The following TTC16 variants were observed in gnomAD, a reference collection of about 807,000 sequenced individuals.
TTC16 encodes the protein tetratricopeptide repeat protein 16.
A neutral mutation model predicts 80.4 loss-of-function variants in TTC16; 66 were observed. The ratio of observed to expected loss-of-function variants is 0.82; its 90% confidence interval spans 0.67 to 1.01. The LOEUF (loss-of-function observed/expected upper bound fraction) is 1.01. TTC16 is among the 50% of genes least tolerant of loss of function. The pLI, the probability that TTC16 is intolerant of heterozygous loss-of-function variation, is 0.00. For missense variants in TTC16, 1,070 were observed against 1,103.2 expected (o/e 0.97, Z 0.43); for synonymous variants, 438 against 451.3 (o/e 0.97, Z 0.37).
In TTC16 at chr9:127,717,425, G is replaced by A; in HGVS notation, c.282+1G>A. The A allele has an allele frequency of 1.2e-6, 2 of 1,611,188 alleles. No homozygotes were observed. The highest frequency in any genetic ancestry group is 8.5e-7 in the Non-Finnish European group (1 of 1,178,158). On this transcript the variant is annotated splice_donor_variant, in intron 3 of 13. Transcript: ENST00000373289. LOFTEE classifies it high-confidence loss of function. ...CGCACTCCACCTGGACCCACAGCTG[G>A]TGAGAGGCAGACCTGGGTGGGCACA...
chr9:127,717,136 C>T, intron 2 of TTC16, 120 bp downstream of exon 2: 1 of 1,359,286 alleles, frequency 7.4e-7, no homozygotes, highest in Non-Finnish European at 1.0e-6. Context: ...TCTAATGGGG[C>T]TCTTCCACCT....
chr9:127,726,405 G>A lies in TTC16; in HGVS notation c.1425+1G>A, dbSNP rs1448780779. On this transcript the variant is annotated splice_donor_variant, in intron 10 of 13. Transcript: ENST00000373289. LOFTEE classifies it high-confidence loss of function. ...GCTCCTCAACCCCAAGCAACCAAAG[G>A]TAGGTTCCTGCCACGTCAGGAGTGT... 3.1e-6 allele frequency: 5 copies of A among 1,590,910 alleles called. No homozygotes were observed. Among genetic ancestry groups the A allele is most frequent in the African/African-American group, 1.3e-5 (1 of 74,412 alleles).
Position 127,731,243 on chromosome 9 carries a change from T to C in TTC16, c.2460T>C (p.Tyr820=), listed in dbSNP as rs145862413. The C allele has an allele frequency of 1.2e-5, 20 of 1,612,516 alleles. No homozygotes were observed. Among genetic ancestry groups the C allele is most frequent in the African/African-American group, 4.0e-5 (3 of 74,772 alleles). ...DSNWSLSKTE[Y]AQGQGQRSSK... is the part of the protein sequence containing the mutation. Reference sequence around the variant, plus strand: ...ACTGGAGCCTCAGCAAAACTGAGTATGCCCAAGGCCAGGGCCAGAGGTCCA... The same window carrying C: ...ACTGGAGCCTCAGCAAAACTGAGTACGCCCAAGGCCAGGGCCAGAGGTCCA... The change falls in exon 14 of 14, where the codon TAT becomes TAC. Residue 820 remains tyrosine (Y), a synonymous_variant. Transcript: ENST00000373289.
chr9:127,721,483 A>C (rs1267375801), intron 6 of TTC16, among the ~76,000 whole-genome samples: 1 of 82,420 alleles, frequency 1.2e-5, no homozygotes, highest in African/African-American at 4.7e-5. Context: ...CTGGGAAGCT[A>C]GGATGGGGAG....
rs749951537 is a variant in TTC16, at chr9:127,727,007, C to G, written c.1463C>G (p.Ser488Trp). The part of the protein sequence containing the change: ...LLMTNLFPGM[S>W]VEEVLSTQIA... ...ATGACCAACCTCTTCCCGGGCATGTCGGTGGAGGAGGTGCTTAGCACCCAG... is the reference window on the plus strand; with the variant it reads ...ATGACCAACCTCTTCCCGGGCATGTGGGTGGAGGAGGTGCTTAGCACCCAG... Residue 488 changes from serine to tryptophan, a missense_variant, in exon 11 of 14, where the codon TCG (serine) becomes TGG (tryptophan). Ser to Trp is a radical substitution (Grantham distance 177, BLOSUM62 -3). Transcript: ENST00000373289. 6.2e-7 allele frequency: 1 copy of G among 1,613,066 alleles called. No individual in the cohort carries two copies.
At chr9:127,730,439 TC>T in intron 13 of TTC16, 196 bp from the exon 14 acceptor site, 1 of 705,218 alleles carries the variant, frequency 1.4e-6, no homozygotes, top group Non-Finnish European at 2.3e-6. Flanking sequence ...CTCCTAGGCA[TC>T]TCCCCCATCT....
chr9:127,728,967 G>C (rs1844182400), intron 12 of TTC16: 3 of 152,344 alleles, frequency 2.0e-5, no homozygotes. Context: ...GCAACTCCCA[G>C]CTGGCACCTG....
Position 127,731,051 on chromosome 9 carries a change from G to A in TTC16, c.2268G>A (p.Arg756=). The change falls in exon 14 of 14, where the codon AGG becomes AGA. Residue 756 remains arginine, a synonymous_variant. Transcript: ENST00000373289. ...AGATTGAGGCCACCCAGGGCCCAAGGCAGGAGCCCAGCAAGACCAAGACCA... is the reference window on the plus strand; with the variant it reads ...AGATTGAGGCCACCCAGGGCCCAAGACAGGAGCCCAGCAAGACCAAGACCA... ...SSEIEATQGP[R]QEPSKTKTTR... is the part of the protein sequence containing the mutation. The A allele has an allele frequency of 6.2e-7, 1 of 1,612,696 alleles. No homozygotes were observed. The highest frequency in any genetic ancestry group is 1.1e-5 in the South Asian group (1 of 91,068).
intron 13 of TTC16, 170 bp from the exon 14 acceptor site, chr9:127,730,466 C>A: frequency 1.0e-6 from 1 of 961,286 alleles, no homozygotes; most frequent in Non-Finnish European, 1.5e-6. Flanking sequence ...CCCCACCCCT[C>A]AGGGTCTGGG....
rs907591908 is a variant in TTC16 at position 127,717,411 on chromosome 9, T to G, written c.269T>G (p.Leu90Arg). 28 of 1,613,028 alleles carry G rather than the reference T, an allele frequency of 1.7e-5. No homozygotes were observed. Among genetic ancestry groups the G allele is most frequent in the Non-Finnish European group, 2.3e-5 (27 of 1,179,702 alleles). Residue 90 changes from leucine (L) to arginine (R), a missense_variant, in exon 3 of 14, where the codon CTG becomes CGG. Coordinates refer to ENST00000373289, the MANE Select transcript of TTC16 (RefSeq NM_144965.3). ...AVLLFSRALH[L>R]DPQLVDFYAL... ...CTGCTCTTCTCCCGCGCACTCCACC[T>G]GGACCCACAGCTGGTGAGAGGCAGA...
chr9:127,726,389 C>T lies in TTC16; in HGVS notation c.1410C>T (p.Asn470=), dbSNP rs770690148. The T allele has an allele frequency of 6.9e-6, 11 of 1,602,984 alleles. No individual in the cohort carries two copies. Among genetic ancestry groups the T allele is most frequent in the Non-Finnish European group, 3.4e-6 (4 of 1,173,758 alleles). The change falls in exon 10 of 14, where the codon AAC becomes AAT. Residue 470 remains asparagine, a synonymous_variant. Coordinates refer to ENST00000373289, the MANE Select transcript of TTC16 (RefSeq NM_144965.3). ...RQDVATVLLL[N]PKQPKLSLLM... ...ATGTGGCCACTGTCCTGCTCCTCAA[C>T]CCCAAGCAACCAAAGGTAGGTTCCT...
At chr9:127,717,101 C>A in intron 2 of TTC16, 85 bp downstream of exon 2, 1 of 1,534,676 alleles carries the variant, frequency 6.5e-7, no homozygotes, top group Admixed American at 1.8e-5. Context: ...CACTTACTCT[C>A]TTCAGGCCTC....
chr9:127,716,604 T>C, intron 1 of TTC16: 1 of 583,190 alleles, frequency 1.7e-6, no homozygotes, highest in South Asian at 2.1e-5. Flanking sequence ...GTTGTAAGCA[T>C]GAGGACCCTG....
At position 127,717,438 on chromosome 9, in the gene TTC16, C is replaced by T. The variant is rs563161394; in HGVS notation, c.282+14C>T. 7.2e-5 allele frequency: 116 copies of T among 1,607,034 alleles called. 2 individuals are homozygous for T. The East Asian group carries it at 1.7e-3, about 24-fold the overall frequency. On this transcript the variant is annotated intron_variant, in intron 3 of 13. Transcript: ENST00000373289. The stretch of plus-strand genomic sequence containing the variant: ...GACCCACAGCTGGTGAGAGGCAGAC[C>T]TGGGTGGGCACAGGCAGTTGCTGGA...
rs1491247612 is a variant in TTC16 at position 127,724,117 on chromosome 9, CAG to C, written c.873-2_873-1del. Reference sequence around the variant, plus strand: ...CTGCCGTCTCCCACGCCCCCCCCGACAGGGGCACCATGTACCGACGGCTCCAG... The same window carrying C: ...CTGCCGTCTCCCACGCCCCCCCCGACGGGCACCATGTACCGACGGCTCCAG... On this transcript the variant is annotated splice_acceptor_variant, in intron 7 of 13. Transcript: ENST00000373289. LOFTEE classifies it high-confidence loss of function. 6.3e-6 allele frequency: 10 copies of C among 1,598,334 alleles called. No homozygotes were observed. The Admixed American group carries it at 1.4e-4, about 22-fold the overall frequency.
In TTC16 at chr9:127,730,263, G is replaced by A. The variant is rs546895770; in HGVS notation, c.1853-373G>A. ...ACAGGGCAGACACAGTGCGGGGGAA[G>A]CCGGGGTGTGGGTGCATTTAGCGCC... On this transcript the variant is annotated intron_variant, in intron 13 of 13. Coordinates refer to ENST00000373289, the MANE Select transcript of TTC16 (RefSeq NM_144965.3). 53 of 311,942 alleles carry A rather than the reference G, an allele frequency of 1.7e-4. No homozygotes were observed. In the South Asian group the frequency reaches 2.0e-3, roughly 12 times the overall value. The allele number at this position is 311,942 out of a possible 1,614,324, so 19.3% of individuals were successfully genotyped here.
chr9:127,728,929 T>G (rs930681421), intron 12 of TTC16: 2 of 152,320 alleles, frequency 1.3e-5, no homozygotes, highest in African/African-American at 4.8e-5. Flanking sequence ...CAGGGAGACG[T>G]TGGGCTGAAG....
chr9:127,726,904 C>T, intron 10 of TTC16, 66 bp from the exon 11 acceptor site: 1 of 1,603,944 alleles, frequency 6.2e-7, no homozygotes, highest in Non-Finnish European at 8.5e-7. Context: ...AGGGTCAGGG[C>T]AGCATCGTGC....
At chr9:127,725,611 T>A (rs1319714343) in intron 9 of TTC16, among the ~76,000 whole-genome samples, 4 of 150,982 alleles carry the variant, frequency 2.6e-5, no homozygotes, top group African/African-American at 9.7e-5. Context: ...TATGCTTTCC[T>A]TTTTTTTAGA....
Sources: allele counts gnomAD v4.1 joint callset (sites outside exome capture counted in the v4.1 genomes callset), GRCh38; gene constraint gnomAD v4.1.1; transcripts MANE v1.5; gene names NCBI Gene and HGNC (gene_info 2026-07-23, HGNC 2026-07-21).